MTHFD2: variants seen among roughly 807,000 people sequenced by gnomAD.
The protein encoded by MTHFD2 is bifunctional methylenetetrahydrofolate dehydrogenase/cyclohydrolase, mitochondrial.
A neutral mutation model predicts 36.8 loss-of-function variants in MTHFD2; 26 were observed. That is an observed-to-expected ratio of 0.71 (90% CI 0.52 to 0.98). The LOEUF (loss-of-function observed/expected upper bound fraction) is 0.98, where lower values mean the gene tolerates loss of function less well. MTHFD2 is among the 50% of genes least tolerant of loss of function. The pLI, the probability that MTHFD2 is intolerant of heterozygous loss-of-function variation, is 0.00. For missense variants in MTHFD2, 373 were observed against 434.0 expected (o/e 0.86, Z 1.25); for synonymous variants, 164 against 155.2 (o/e 1.06, Z -0.42).
At position 74,211,320 on chromosome 2, in the gene MTHFD2, G is replaced by C. The variant is rs1694300050; in HGVS notation, c.763+29G>C. 3.5e-6 allele frequency: 5 copies of C among 1,435,340 alleles called. No individual in the cohort carries two copies. The East Asian group carries it at 1.2e-4, about 33-fold the overall frequency. 88.9% of individuals were successfully genotyped at this position (1,435,340 alleles called of 1,614,324 possible). On this transcript the variant is annotated intron_variant, in intron 6 of 7. Transcript: ENST00000394053. The stretch of plus-strand genomic sequence containing the variant: ...AGAACACAAGGGGGATGGAGGGAAG[G>C]ACTTCACCTCAGAAGAGGAGGTTGT...
chr2:74,204,957 C>G (rs535201946), intron 1 of MTHFD2, among the ~76,000 whole-genome samples: 126 of 152,276 alleles, frequency 8.3e-4, no homozygotes, highest in African/African-American at 2.8e-3. Context: ...ACCTGAGTAG[C>G]TGGGATTACA....
At position 74,205,553 on chromosome 2, in the gene MTHFD2, A is replaced by G. The variant is rs914895634; in HGVS notation, c.102-152A>G. ...GAGACAGGGTTTTGCCATGTTGCCC[A>G]GGCCAGTCTCAAACTCCTGGGCTCA... is the stretch of plus-strand genomic sequence containing the variant. On this transcript the variant is annotated intron_variant, in intron 1 of 7. Coordinates refer to ENST00000394053, the MANE Select transcript of MTHFD2 (RefSeq NM_006636.4). 13 of 675,520 alleles carry G rather than the reference A, an allele frequency of 1.9e-5. No homozygotes were observed. In the Middle Eastern group the frequency reaches 1.7e-3, roughly 90 times the overall value. 41.8% of individuals were successfully genotyped at this position (675,520 alleles called of 1,614,324 possible).
chr2:74,211,944 CTTTTTT>C (rs71406866), intron 7 of MTHFD2, 78 bp downstream of exon 7: 9,586 of 461,632 alleles, frequency 0.021, 30 homozygotes, highest in Non-Finnish European at 0.025. Context: ...AGATTATTTA[CTTTTTT>C]TTTTTTTTTT....
intron 6 of MTHFD2, 195 bp from the exon 7 acceptor site, chr2:74,211,546 G>T: frequency 2.0e-6 from 1 of 506,080 alleles, no homozygotes; most frequent in Non-Finnish European, 3.3e-6. Context: ...AGTTTAAATG[G>T]TTCCTTTTGT....
At chr2:74,202,166 CTAGA>C (rs1344612199) in intron 1 of MTHFD2, among the ~76,000 whole-genome samples, 1 of 151,792 alleles carries the variant, frequency 6.6e-6, no homozygotes, top group Non-Finnish European at 1.5e-5. Flanking sequence ...TTCTCACTGA[CTAGA>C]TATACATATA....
chr2:74,203,896 GT>G (rs1292795604), intron 1 of MTHFD2, among the ~76,000 whole-genome samples: 332 of 30,274 alleles, frequency 0.011, 2 homozygotes, highest in African/African-American at 0.037. Context: ...GTTTAGTTTA[GT>G]TTAGTTTAGT....
At chr2:74,207,242 C>T (rs1158347527) in intron 2 of MTHFD2, among the ~76,000 whole-genome samples, 1 of 152,206 alleles carries the variant, frequency 6.6e-6, no homozygotes, top group East Asian at 1.9e-4. Context: ...GATTCTCCTG[C>T]CTCAGCCTCC....
rs574294485 is a variant in MTHFD2 at position 74,198,677 on chromosome 2, C to T, written c.36C>T (p.Ala12=). The T allele has an allele frequency of 5.0e-6, 8 of 1,611,288 alleles. No homozygotes were observed. Among genetic ancestry groups the T allele is most frequent in the African/African-American group, 1.3e-5 (1 of 74,946 alleles). The part of the protein sequence containing the change: ...AATSLMSALA[A]RLLQPAHSCS... ...CTTCTCTAATGTCTGCTTTGGCTGCCCGGCTGCTGCAGCCCGCGCACAGCT... is the reference window on the plus strand; with the variant it reads ...CTTCTCTAATGTCTGCTTTGGCTGCTCGGCTGCTGCAGCCCGCGCACAGCT... Residue 12 remains alanine (A), a synonymous_variant, in exon 1 of 8, where the codon GCC becomes GCT. Transcript: ENST00000394053.
At chr2:74,208,871 TTTTTG>T (rs1439971100) in intron 4 of MTHFD2, 150 bp downstream of exon 4, 6 of 778,170 alleles carry the variant, frequency 7.7e-6, no homozygotes, top group Non-Finnish European at 9.8e-6. Context: ...AACAGTTTTT[TTTTTG>T]TTTTTTGTTT....
intron 1 of MTHFD2, among the ~76,000 whole-genome samples, chr2:74,203,868 T>G (rs1267956949): frequency 4.1e-5 from 2 of 48,594 alleles, no homozygotes; most frequent in Admixed American, 2.3e-4. Flanking sequence ...TTAGTTTAGT[T>G]TAGTTTAGTT....
At chr2:74,211,314 G>C in intron 6 of MTHFD2, 23 bp downstream of exon 6, 1 of 1,480,084 alleles carries the variant, frequency 6.8e-7, no homozygotes, top group East Asian at 2.3e-5. Flanking sequence ...GGGGGATGGA[G>C]GGAAGGACTT....
intron 1 of MTHFD2, among the ~76,000 whole-genome samples, chr2:74,200,351 C>G (rs188252878): frequency 1.7e-4 from 26 of 152,236 alleles, no homozygotes; most frequent in Non-Finnish European, 3.7e-4. Flanking sequence ...GCTCTTTTCA[C>G]TACCTTTCTG....
chr2:74,211,952 T>A (rs1694314373), intron 7 of MTHFD2, 86 bp downstream of exon 7: 3 of 1,160,692 alleles, frequency 2.6e-6, no homozygotes, highest in Non-Finnish European at 1.1e-6. Flanking sequence ...TACTTTTTTT[T>A]TTTTTTTTTT....
chr2:74,198,626 G>A lies in MTHFD2; in HGVS notation c.-16G>A, dbSNP rs745598242. On this transcript the variant is annotated 5_prime_UTR_variant, in exon 1 of 8. Coordinates refer to ENST00000394053, the MANE Select transcript of MTHFD2 (RefSeq NM_006636.4). The stretch of plus-strand genomic sequence containing the variant: ...GCGCGCGCGCTTCCCTCCCGGCGCA[G>A]TCACCGGCGCGGTCTATGGCTGCGA... 1.0e-5 allele frequency: 16 copies of A among 1,590,924 alleles called. No homozygotes were observed. Among genetic ancestry groups the A allele is most frequent in the Middle Eastern group, 1.7e-4 (1 of 6,004 alleles).
intron 2 of MTHFD2, 58 bp from the exon 3 acceptor site, chr2:74,207,646 T>C (rs764402466): frequency 1.3e-6 from 2 of 1,518,922 alleles, no homozygotes; most frequent in Non-Finnish European, 1.8e-6. Context: ...GTAGGCAACA[T>C]AGCAGTGCTC....
intron 7 of MTHFD2, among the ~76,000 whole-genome samples, chr2:74,213,592 T>C (rs573835743): frequency 4.6e-5 from 7 of 152,314 alleles, no homozygotes; most frequent in African/African-American, 1.7e-4. Flanking sequence ...ACCCGGCCTA[T>C]GCTGATAATC....
chr2:74,203,906 GTTAGTTTAGTTTAGT>G (rs1553448380), intron 1 of MTHFD2, among the ~76,000 whole-genome samples: 2 of 29,518 alleles, frequency 6.8e-5, no homozygotes, highest in South Asian at 9.5e-4. Context: ...GTTTAGTTTA[GTTAGTTTAGTTTAGT>G]TTAGTTTTTT....
intron 7 of MTHFD2, among the ~76,000 whole-genome samples, chr2:74,212,076 A>T: frequency 7.2e-6 from 1 of 139,152 alleles, no homozygotes; most frequent in South Asian, 2.3e-4. Flanking sequence ...CAGCCTCCCG[A>T]GTAGCTGGGA....
chr2:74,212,261 C>CTTTTT (rs1448398350), intron 7 of MTHFD2, among the ~76,000 whole-genome samples: 1 of 42,234 alleles, frequency 2.4e-5, no homozygotes, highest in African/African-American at 1.3e-4. Flanking sequence ...TCGTTTCTTT[C>CTTTTT]TCTTTTTTTT....
Sources: gnomAD v4.1 joint callset for allele counts (sites outside exome capture counted in the v4.1 genomes callset) on GRCh38, gnomAD v4.1.1 for gene constraint, MANE v1.5 for transcripts, NCBI Gene and HGNC (gene_info 2026-07-23, HGNC 2026-07-21) for gene names.